The following RPP14 variants were observed in gnomAD, a reference collection of about 807,000 sequenced individuals.
RPP14 encodes ribonuclease P/MRP subunit p14.
In RPP14, 19 loss-of-function variants were observed where a neutral mutation model predicts 17.8. The ratio of observed to expected loss-of-function variants is 1.07; its 90% confidence interval spans 0.74 to 1.57. The LOEUF is 1.57. RPP14 is among the 40% of genes most tolerant of loss of function. The pLI, the probability that RPP14 is intolerant of heterozygous loss-of-function variation, is 0.00. For missense variants in RPP14, 125 were observed against 140.8 expected (o/e 0.89, Z 0.57); for synonymous variants, 60 against 56.4 (o/e 1.06, Z -0.29).
Position 58,310,598 on chromosome 3 carries a change from A to G in RPP14, c.162+7A>G. 2 of 1,607,668 alleles carry G rather than the reference A, an allele frequency of 1.2e-6. No homozygotes were observed. The highest frequency in any genetic ancestry group is 1.7e-6 in the Non-Finnish European group (2 of 1,176,790). On this transcript the variant is annotated splice_region_variant and intron_variant, in intron 3 of 5. Coordinates refer to ENST00000295959, the MANE Select transcript of RPP14 (RefSeq NM_007042.6). ...GAAGGACCTGTTTGGGGAGGTATGGAATCACTTGGTAGATTGAACATTCCA... is the reference window on the plus strand; with the variant it reads ...GAAGGACCTGTTTGGGGAGGTATGGGATCACTTGGTAGATTGAACATTCCA...
At position 58,319,112 on chromosome 3, in the gene RPP14, C is replaced by T. The variant is rs866692181; in HGVS notation, c.*1616C>T. 2 of 152,136 alleles carry T rather than the reference C, an allele frequency of 1.3e-5. No individual in the cohort carries two copies. Among genetic ancestry groups the T allele is most frequent in the Non-Finnish European group, 1.5e-5 (1 of 68,040 alleles). 9.4% of individuals were successfully genotyped at this position (152,136 alleles called of 1,614,324 possible). A position where few individuals can be genotyped will look rare whatever the true frequency, so the allele number is the denominator to read the frequency against. Reference sequence around the variant, plus strand: ...TTGTCACTGTATTTTAACTGTGTAACAATTATTGAAGGCGAAAATAGAAGT... The same window carrying T: ...TTGTCACTGTATTTTAACTGTGTAATAATTATTGAAGGCGAAAATAGAAGT... On this transcript the variant is annotated 3_prime_UTR_variant, in exon 6 of 6. Transcript: ENST00000295959.
intron 3 of RPP14, among the ~76,000 whole-genome samples, chr3:58,312,710 C>G (rs944500567): frequency 6.6e-6 from 1 of 152,078 alleles, no homozygotes; most frequent in African/African-American, 2.4e-5. Flanking sequence ...CCTATAATCC[C>G]AGCTCTTCGG....
At position 58,319,265 on chromosome 3, in the gene RPP14, C is replaced by T. The variant is rs2097491878; in HGVS notation, c.*1769C>T. 6.6e-6 allele frequency: 1 copy of T among 152,192 alleles called. No homozygotes were observed. Among genetic ancestry groups the T allele is most frequent in the Admixed American group, 6.5e-5 (1 of 15,274 alleles). The allele number at this position is 152,192 out of a possible 1,614,324, so 9.4% of individuals were successfully genotyped here. ...GCATCTTAGTCTACCTTCAGTGAGA[C>T]TTGCGTTTCAGGGGAGGGGCGTATG... On this transcript the variant is annotated 3_prime_UTR_variant, in exon 6 of 6. Transcript: ENST00000295959.
At position 58,310,354 on chromosome 3, in the gene RPP14, G is replaced by C. The variant is rs762438652; in HGVS notation, c.25G>C (p.Glu9Gln). The change falls in exon 2 of 6, where the codon GAA (glutamate) becomes CAA (glutamine). Residue 9 changes from glutamate (E) to glutamine (Q), a missense_variant. Transcript: ENST00000295959. MPAPAATY[E>Q]RVVYKNPSEY... The stretch of plus-strand genomic sequence containing the variant: ...GATGCCTGCCCCTGCTGCCACATAT[G>C]AAAGAGTAGTTTACAAAAACCCTTC... 10 of 1,614,058 alleles carry C rather than the reference G, an allele frequency of 6.2e-6. No homozygotes were observed. The East Asian group carries it at 2.2e-4, about 36-fold the overall frequency.
intron 3 of RPP14, among the ~76,000 whole-genome samples, chr3:58,311,153 TG>T (rs2097481821): frequency 6.6e-6 from 1 of 151,978 alleles, no homozygotes; most frequent in Non-Finnish European, 1.5e-5. Flanking sequence ...TTGTTGTTGT[TG>T]TTGTTGTTGT....
chr3:58,317,191 G>A (rs1387132313), intron 5 of RPP14, among the ~76,000 whole-genome samples, 198 bp downstream of exon 5: 1 of 152,184 alleles, frequency 6.6e-6, no homozygotes, highest in Non-Finnish European at 1.5e-5. Flanking sequence ...GAGATGTTTT[G>A]GGATAAAACT....
chr3:58,310,700 G>A (rs531885261), intron 3 of RPP14, 109 bp downstream of exon 3: 3 of 837,808 alleles, frequency 3.6e-6, no homozygotes, highest in East Asian at 2.5e-5. Flanking sequence ...TGGAGGCCGA[G>A]GTGGGCAGAT....
intron 3 of RPP14, among the ~76,000 whole-genome samples, chr3:58,314,244 G>A (rs917019076): frequency 2.6e-5 from 4 of 152,128 alleles, no homozygotes; most frequent in Non-Finnish European, 4.4e-5. Flanking sequence ...CCAGCTACTC[G>A]GGAGGTTAAG....
intron 3 of RPP14, among the ~76,000 whole-genome samples, chr3:58,314,016 A>G (rs929303029): frequency 6.6e-6 from 1 of 152,226 alleles, no homozygotes; most frequent in Non-Finnish European, 1.5e-5. Flanking sequence ...TGATTGCACT[A>G]CTGCACTGCA....
intron 3 of RPP14, among the ~76,000 whole-genome samples, chr3:58,313,002 G>T (rs560063586): frequency 7.3e-6 from 1 of 137,540 alleles, no homozygotes; most frequent in Non-Finnish European, 1.5e-5. Flanking sequence ...GGTAGCTCAC[G>T]CCTGTAATCC....
chr3:58,316,119 C>CA (rs2097488049), intron 3 of RPP14, among the ~76,000 whole-genome samples: 1 of 152,216 alleles, frequency 6.6e-6, no homozygotes, highest in South Asian at 2.1e-4. Flanking sequence ...AACAAACAGA[C>CA]ATGGCCTCTG....
At chr3:58,316,736 T>C in intron 4 of RPP14, 145 bp downstream of exon 4, 1 of 883,962 alleles carries the variant, frequency 1.1e-6, no homozygotes, top group Non-Finnish European at 1.8e-6. Context: ...AATATGAACA[T>C]TCATCCACCA....
intron 3 of RPP14, among the ~76,000 whole-genome samples, chr3:58,314,678 T>TTC (rs1257064437): frequency 8.2e-6 from 1 of 122,634 alleles, no homozygotes; most frequent in African/African-American, 3.9e-5. Flanking sequence ...TGGCAGTATT[T>TTC]TTTTTTTTTT....
intron 3 of RPP14, 78 bp downstream of exon 3, chr3:58,310,669 AC>A: frequency 7.9e-7 from 1 of 1,260,040 alleles, no homozygotes. Context: ...GCGGTAGCTC[AC>A]GCCTGTAATC....
chr3:58,314,297 G>T (rs1177377673), intron 3 of RPP14, among the ~76,000 whole-genome samples: 1 of 152,172 alleles, frequency 6.6e-6, no homozygotes, highest in Non-Finnish European at 1.5e-5. Flanking sequence ...GTTGCAGTGA[G>T]CTGAGATCAC....
intron 1 of RPP14, among the ~76,000 whole-genome samples, chr3:58,308,621 A>C (rs1455807676): frequency 6.6e-6 from 1 of 152,088 alleles, no homozygotes; most frequent in Non-Finnish European, 1.5e-5. Flanking sequence ...CTTGACCCTG[A>C]CTTCTTTTCT....
Position 58,318,222 on chromosome 3 carries a change from G to T in RPP14, c.*726G>T, listed in dbSNP as rs755867595. 5.1e-6 allele frequency: 3 copies of T among 588,254 alleles called. No individual in the cohort carries two copies. Among genetic ancestry groups the T allele is most frequent in the Non-Finnish European group, 9.0e-6 (3 of 334,972 alleles). The allele number at this position is 588,254 out of a possible 1,614,324, so 36.4% of individuals were successfully genotyped here. A position where few individuals can be genotyped will look rare whatever the true frequency, so the allele number is the denominator to read the frequency against. On this transcript the variant is annotated 3_prime_UTR_variant, in exon 6 of 6. Transcript: ENST00000295959. ...CAAAGAATGGTTGATAGGCCCAGAAGCCCATCTTAGTTAGGGGAAGGGAGC... is the reference window on the plus strand; with the variant it reads ...CAAAGAATGGTTGATAGGCCCAGAATCCCATCTTAGTTAGGGGAAGGGAGC...
Position 58,318,048 on chromosome 3 carries a change from T to G in RPP14, c.*552T>G. 1 of 694,296 alleles carries G rather than the reference T, an allele frequency of 1.4e-6. No homozygotes were observed. 43.0% of individuals were successfully genotyped at this position (694,296 alleles called of 1,614,324 possible). A position where few individuals can be genotyped will look rare whatever the true frequency, so the allele number is the denominator to read the frequency against. On this transcript the variant is annotated 3_prime_UTR_variant, in exon 6 of 6. Coordinates refer to ENST00000295959, the MANE Select transcript of RPP14 (RefSeq NM_007042.6). ...TTGCTATTATTGCAGTGTCATGTTC[T>G]GTAATAGAAAGTAAAAAGACTGTTA...
At chr3:58,309,721 C>A (rs545455268) in intron 1 of RPP14, among the ~76,000 whole-genome samples, 1 of 152,116 alleles carries the variant, frequency 6.6e-6, no homozygotes, top group Non-Finnish European at 1.5e-5. Context: ...GAAACCCTGT[C>A]TCTACTAAAA....
Sources: gnomAD v4.1 joint callset for allele counts (sites outside exome capture counted in the v4.1 genomes callset) on GRCh38, gnomAD v4.1.1 for gene constraint, MANE v1.5 for transcripts, NCBI Gene and HGNC (gene_info 2026-07-23, HGNC 2026-07-21) for gene names.